Variants in KIFC3 observed in about 807,000 individuals in gnomAD.
KIFC3 encodes the protein kinesin-like protein KIFC3.
Under a neutral mutation model 101.8 loss-of-function variants are expected in KIFC3, and 60 were observed. The ratio of observed to expected loss-of-function variants is 0.59; its 90% confidence interval spans 0.48 to 0.73. The LOEUF (loss-of-function observed/expected upper bound fraction) is 0.73. Among genes scored for constraint, KIFC3 ranks in the 30% least tolerant of loss-of-function variants. The pLI is 0.00. For missense variants in KIFC3, 966 were observed against 1,137.1 expected (o/e 0.85, Z 2.16); for synonymous variants, 476 against 482.7 (o/e 0.99, Z 0.18).
Position 57,769,528 on chromosome 16 carries a change from G to T in KIFC3, c.1218+67C>A. 6.5e-7 allele frequency: 1 copy of T among 1,544,770 alleles called. No individual in the cohort carries two copies. The highest frequency in any genetic ancestry group is 8.7e-7 in the Non-Finnish European group (1 of 1,146,184). On this transcript the variant is annotated intron_variant, in intron 9 of 19. Coordinates refer to ENST00000445690, the MANE Select transcript of KIFC3 (RefSeq NM_001130100.2). This position sits in a 1 kb window ranked among gnomAD's most constrained non-coding sequence, Gnocchi z 4.3. The stretch of plus-strand genomic sequence containing the variant: ...TCTGAGCTTTGGAGGGACGCCCTGA[G>T]TGGATGTCGTGCCTCTCCCAGTGCA...
At chr16:57,842,236 C>T (rs1411531219) in intron 1 of KIFC3, among the ~76,000 whole-genome samples, 1 of 152,122 alleles carries the variant, frequency 6.6e-6, no homozygotes, top group Non-Finnish European at 1.5e-5. Flanking sequence ...TGCTTCTTAG[C>T]GCTGTCTGAA....
chr16:57,825,579 G>A (rs182879735), intron 1 of KIFC3, among the ~76,000 whole-genome samples: 66 of 152,260 alleles, frequency 4.3e-4, no homozygotes, highest in African/African-American at 1.5e-3. Flanking sequence ...GCTGCCCCAC[G>A]TTCAGCCTCA....
chr16:57,838,530 C>T (rs960255465), intron 1 of KIFC3, among the ~76,000 whole-genome samples: 1 of 152,114 alleles, frequency 6.6e-6, no homozygotes, highest in East Asian at 1.9e-4. Flanking sequence ...AGACGGTGTT[C>T]GGAAAGCACA....
intron 1 of KIFC3, among the ~76,000 whole-genome samples, chr16:57,820,549 C>T (rs1394166442): frequency 6.6e-6 from 1 of 152,182 alleles, no homozygotes; most frequent in African/African-American, 2.4e-5. Flanking sequence ...CAAGTGCTGG[C>T]ATTATGGGTG....
intron 1 of KIFC3, among the ~76,000 whole-genome samples, chr16:57,799,329 T>C (rs2054574406): frequency 6.6e-6 from 1 of 152,018 alleles, no homozygotes; most frequent in Admixed American, 6.6e-5. Context: ...AGAGGCAACA[T>C]GGGGTTTTAA....
At chr16:57,795,267 C>T (rs534808159) in intron 2 of KIFC3, 126 bp from the exon 3 acceptor site, 12 of 1,167,450 alleles carry the variant, frequency 1.0e-5, no homozygotes, top group Non-Finnish European at 1.4e-5. Context: ...CCAGATGTGG[C>T]CAGGAGGGGC....
At chr16:57,780,248 C>T (rs138752721) in intron 3 of KIFC3, among the ~76,000 whole-genome samples, 193 of 152,298 alleles carry the variant, frequency 1.3e-3, no homozygotes, top group African/African-American at 4.5e-3. Flanking sequence ...CGGTGGCTCA[C>T]GCCAATAATC....
chr16:57,760,620 TC>T, intron 16 of KIFC3, 105 bp downstream of exon 16: 1 of 1,137,604 alleles, frequency 8.8e-7, no homozygotes, highest in Admixed American at 1.9e-5. Context: ...TGTGGCCAGG[TC>T]TAGGGGCGGG....
chr16:57,843,487 G>A (rs1184686200), intron 1 of KIFC3, among the ~76,000 whole-genome samples: 10 of 152,154 alleles, frequency 6.6e-5, no homozygotes, highest in African/African-American at 2.2e-4. Flanking sequence ...GATGGCGCTG[G>A]GTTCTGATGC....
At chr16:57,823,759 CTTTGTGTGTGTGTGTGTGTGTGTG>C (rs1433336972) in intron 1 of KIFC3, among the ~76,000 whole-genome samples, 2 of 54,672 alleles carry the variant, frequency 3.7e-5, no homozygotes, top group East Asian at 7.5e-4. Context: ...CACCCGGCTA[CTTTGTGTGTGTGTGTGTGTGTGTG>C]TGTGTGTGTG....
rs534195343 is a variant in KIFC3 at position 57,759,161 on chromosome 16, C to G, written c.2477-8G>C. On this transcript the variant is annotated splice_region_variant and splice_polypyrimidine_tract_variant and intron_variant, in intron 18 of 19. Coordinates refer to ENST00000445690, the MANE Select transcript of KIFC3 (RefSeq NM_001130100.2). The stretch of plus-strand genomic sequence containing the variant: ...GCAGCCCCAGCCGTCAGGCTGAAAT[C>G]AAAGTGACAGGCGTCTCACTGGTGG... The G allele has an allele frequency of 6.4e-7, 1 of 1,550,950 alleles. No homozygotes were observed. The highest frequency in any genetic ancestry group is 1.2e-5 in the South Asian group (1 of 84,054).
intron 1 of KIFC3, among the ~76,000 whole-genome samples, chr16:57,825,265 C>T (rs935101013): frequency 3.9e-5 from 6 of 152,346 alleles, no homozygotes; most frequent in Middle Eastern, 3.4e-3. Context: ...AATCACTGGC[C>T]AGGCTCCTTC....
intron 1 of KIFC3, among the ~76,000 whole-genome samples, chr16:57,854,831 A>G (rs1212263164): frequency 1.3e-5 from 2 of 152,198 alleles, no homozygotes; most frequent in African/African-American, 4.8e-5. Flanking sequence ...CCCTGACCAC[A>G]AAGGAATTAA....
At chr16:57,859,255 TGCCTGATCACAAAGAGGAGACACAA>T (rs1425635339) in intron 1 of KIFC3, among the ~76,000 whole-genome samples, 1 of 152,240 alleles carries the variant, frequency 6.6e-6, no homozygotes, top group Non-Finnish European at 1.5e-5. Context: ...GATAATATTG[TGCCTGATCACAAAGAGGAGACACAA>T]GCCTTTCCAG....
At chr16:57,785,468 T>G in intron 3 of KIFC3, 1 of 1,285,284 alleles carries the variant, frequency 7.8e-7, no homozygotes, top group Non-Finnish European at 1.0e-6. Context: ...AGGTACCTGG[T>G]TCTGCAGCTG....
intron 1 of KIFC3, among the ~76,000 whole-genome samples, chr16:57,817,827 A>G (rs2055264432): frequency 6.6e-6 from 1 of 152,204 alleles, no homozygotes; most frequent in African/African-American, 2.4e-5. Flanking sequence ...TATTGCTTTT[A>G]TCCTCATCTT....
intron 2 of KIFC3, 131 bp from the exon 3 acceptor site, chr16:57,795,272 AG>A: frequency 8.9e-7 from 1 of 1,117,390 alleles, no homozygotes; most frequent in Non-Finnish European, 1.2e-6. Flanking sequence ...TGTGGCCAGG[AG>A]GGGCTCACAC....
At chr16:57,762,680 G>A (rs1400159957) in intron 12 of KIFC3, among the ~76,000 whole-genome samples, 2 of 152,120 alleles carry the variant, frequency 1.3e-5, no homozygotes, top group Admixed American at 6.5e-5. Context: ...GGGTGGTAGA[G>A]AGGAGGCACA....
chr16:57,800,496 A>T (rs2054646726), intron 1 of KIFC3, among the ~76,000 whole-genome samples: 1 of 152,222 alleles, frequency 6.6e-6, no homozygotes, highest in Non-Finnish European at 1.5e-5. Flanking sequence ...CAAGGGAAGG[A>T]GCAAGGCAGG....
Sources: allele counts gnomAD v4.1 joint callset (sites outside exome capture counted in the v4.1 genomes callset), GRCh38; gene constraint gnomAD v4.1.1; non-coding constraint Gnocchi (gnomAD v3.1); transcripts MANE v1.5; gene names NCBI Gene and HGNC (gene_info 2026-07-23, HGNC 2026-07-21).